Variants in ADK observed in about 807,000 individuals in gnomAD.
ADK encodes the protein adenosine kinase.
A neutral mutation model predicts 44.7 loss-of-function variants in ADK; 24 were observed. The ratio of observed to expected loss-of-function variants is 0.54; its 90% confidence interval spans 0.39 to 0.76. The LOEUF is 0.76. Ranked by LOEUF, ADK falls within the 30% of genes least tolerant of loss-of-function variation. ADK has a pLI of 0.00. For missense variants in ADK, 321 were observed against 425.1 expected (o/e 0.76, Z 2.15); for synonymous variants, 128 against 142.6 (o/e 0.90, Z 0.73).
intron 2 of ADK, among the ~76,000 whole-genome samples, chr10:74,216,598 G>A (rs1056263174): frequency 4.0e-5 from 6 of 151,764 alleles, no homozygotes; most frequent in African/African-American, 1.5e-4. Flanking sequence ...GGGGGTGCAT[G>A]CCTGTAGTCC....
intron 7 of ADK, among the ~76,000 whole-genome samples, chr10:74,582,152 G>A (rs1344590409): frequency 6.6e-6 from 1 of 151,896 alleles, no homozygotes; most frequent in Non-Finnish European, 1.5e-5. Flanking sequence ...GCAAAACCCT[G>A]TCTCTACAAA....
chr10:74,299,105 C>A (rs1286669641), intron 3 of ADK, among the ~76,000 whole-genome samples: 1 of 152,106 alleles, frequency 6.6e-6, no homozygotes, highest in East Asian at 1.9e-4. Flanking sequence ...GAAACATCTG[C>A]AGACGTGAAT....
intron 4 of ADK, among the ~76,000 whole-genome samples, chr10:74,373,943 T>G (rs539346271): frequency 6.6e-6 from 1 of 152,146 alleles, no homozygotes. Context: ...TAGAATATTA[T>G]TTGACAAAAA....
In ADK at chr10:74,241,588, A is replaced by T. The variant is rs11598266; in HGVS notation, c.194+16997A>T. Among the ~76,000 whole-genome samples, 1,437 of 152,204 alleles carry T rather than the reference A, an allele frequency of 9.4e-3. 17 individuals are homozygous for T. Among genetic ancestry groups the T allele is most frequent in the South Asian group, 0.019 (90 of 4,824 alleles). On this transcript the variant is annotated intron_variant, in intron 3 of 10. Transcript: ENST00000539909. ...TTTAGTAGAGACGGGGTTTCACCAT[A>T]TTGGTCAGGCTGGTTTCAAACTCCT...
rs56052959 is a variant in ADK, at chr10:74,312,914, C to CAAAA, written c.195-1730_195-1727dup. ...GGATGAAAAAGGAAGATTCTGTCTC[C>CAAAA]AAAAAAAAAAAAAAAAAAAAAAAAA... On this transcript the variant is annotated intron_variant, in intron 3 of 10. Transcript: ENST00000539909. Among the ~76,000 whole-genome samples, 214 of 37,826 alleles carry CAAAA rather than the reference C, an allele frequency of 5.7e-3. 41 individuals are homozygous for CAAAA. Among genetic ancestry groups the CAAAA allele is most frequent in the African/African-American group, 0.019 (195 of 10,210 alleles). The allele number at this position is 37,826 out of a possible 152,430, so 24.8% of individuals were successfully genotyped here. A position where few individuals can be genotyped will look rare whatever the true frequency, so the allele number is the denominator to read the frequency against.
In ADK at chr10:74,224,450, T is replaced by C. The variant is rs981534463; in HGVS notation, c.141-88T>C. 11 of 968,714 alleles carry C rather than the reference T, an allele frequency of 1.1e-5. No individual in the cohort carries two copies. The African/African-American group carries it at 1.5e-4, about 13-fold the overall frequency. 60.0% of individuals were successfully genotyped at this position (968,714 alleles called of 1,614,324 possible). A position where few individuals can be genotyped will look rare whatever the true frequency, so the allele number is the denominator to read the frequency against. ...CAATTAAGTCAGAGACCTATAACAG[T>C]GTTGGAGTGCTTGTTTTGAAGAGGT... On this transcript the variant is annotated intron_variant, in intron 2 of 10. Coordinates refer to ENST00000539909, the MANE Select transcript of ADK (RefSeq NM_006721.4).
intron 10 of ADK, among the ~76,000 whole-genome samples, chr10:74,681,677 C>T (rs1034790838): frequency 2.0e-5 from 3 of 151,932 alleles, no homozygotes; most frequent in Middle Eastern, 3.2e-3. Flanking sequence ...GGTGAAACCC[C>T]GCCTCTACTA....
At chr10:74,567,260 T>C (rs1269426441) in intron 7 of ADK, among the ~76,000 whole-genome samples, 2 of 152,252 alleles carry the variant, frequency 1.3e-5, no homozygotes, top group Non-Finnish European at 2.9e-5. Context: ...ATATTTTATG[T>C]TTATCACCTG....
In ADK at chr10:74,600,432, C is replaced by G. The variant is rs2133963655; in HGVS notation, c.816C>G (p.Asn272Lys). The stretch of plus-strand genomic sequence containing the variant: ...AGACACAAGCCCTGCCAAAGATGAA[C>G]TCAAAGAGGCAGCGAATCGTGATCT... ...AKKTQALPKM[N>K]SKRQRIVIFT... Residue 272 changes from asparagine to lysine, a missense_variant, in exon 9 of 11, where the codon AAC (asparagine) becomes AAG (lysine). Coordinates refer to ENST00000539909, the MANE Select transcript of ADK (RefSeq NM_006721.4). The G allele has an allele frequency of 6.2e-7, 1 of 1,611,244 alleles. No individual in the cohort carries two copies. The highest frequency in any genetic ancestry group is 1.7e-4 in the Middle Eastern group (1 of 6,042).
chr10:74,325,431 A>G (rs193049209), intron 4 of ADK, among the ~76,000 whole-genome samples: 3 of 152,216 alleles, frequency 2.0e-5, no homozygotes, highest in African/African-American at 7.2e-5. Context: ...GTCTTCAAAC[A>G]AGAACAATTT....
chr10:74,674,993 C>T (rs537194771), intron 10 of ADK, among the ~76,000 whole-genome samples: 7 of 152,212 alleles, frequency 4.6e-5, no homozygotes, highest in South Asian at 2.1e-4. Flanking sequence ...TATTTTTCTT[C>T]GCTTCATTGC....
rs372785173 is a variant in ADK, at chr10:74,214,649, A to C, written c.141-9889A>C. Among the ~76,000 whole-genome samples, 39 of 152,320 alleles carry C rather than the reference A, an allele frequency of 2.6e-4. No homozygotes were observed. The South Asian group carries it at 7.9e-3, about 31-fold the overall frequency. On this transcript the variant is annotated intron_variant, in intron 2 of 10. Coordinates refer to ENST00000539909, the MANE Select transcript of ADK (RefSeq NM_006721.4). Reference sequence around the variant, plus strand: ...AGGCACTAAGCTCTGTGCTATGCTGATCTTCAGAGGAGGAGCACATTTGAA... The same window carrying C: ...AGGCACTAAGCTCTGTGCTATGCTGCTCTTCAGAGGAGGAGCACATTTGAA...
chr10:74,241,208 A>G (rs1034845526), intron 3 of ADK, among the ~76,000 whole-genome samples: 1 of 152,202 alleles, frequency 6.6e-6, no homozygotes, highest in African/African-American at 2.4e-5. Context: ...TTTTCTTAGT[A>G]AAGTTTACTT....
chr10:74,504,118 G>T lies in ADK; in HGVS notation c.556-21138G>T, dbSNP rs1034376378. On this transcript the variant is annotated intron_variant, in intron 6 of 10. Transcript: ENST00000539909. ...CGAAACTGTGCACTGACACCCCAGG[G>T]TACTGCAGCAGACTCACAAGAGTGC... 5.3e-5 allele frequency among the ~76,000 whole-genome samples: 8 copies of T among 152,222 alleles called. No homozygotes were observed. In the East Asian group the frequency reaches 1.5e-3, roughly 29 times the overall value.
chr10:74,642,835 T>C (rs1853918852), intron 9 of ADK, among the ~76,000 whole-genome samples: 1 of 146,252 alleles, frequency 6.8e-6, no homozygotes, highest in African/African-American at 2.6e-5. Context: ...TTCTTTTTTT[T>C]TTTTTTTTTT....
At chr10:74,370,215 T>C (rs1019604591) in intron 4 of ADK, among the ~76,000 whole-genome samples, 1 of 152,198 alleles carries the variant, frequency 6.6e-6, no homozygotes, top group African/African-American at 2.4e-5. Flanking sequence ...AGCCAAAACT[T>C]AAACAATTGT....
At chr10:74,439,213 G>A (rs1233426651) in intron 6 of ADK, among the ~76,000 whole-genome samples, 1 of 152,190 alleles carries the variant, frequency 6.6e-6, no homozygotes, top group Non-Finnish European at 1.5e-5. Flanking sequence ...ATGTTCCACT[G>A]AAAGAGACTT....
At chr10:74,388,647 T>G (rs1843230650) in intron 4 of ADK, among the ~76,000 whole-genome samples, 1 of 152,190 alleles carries the variant, frequency 6.6e-6, no homozygotes, top group Non-Finnish European at 1.5e-5. Context: ...TAATTTTAAT[T>G]TTCAACTCTT....
intron 9 of ADK, among the ~76,000 whole-genome samples, chr10:74,612,992 A>AT (rs1349879942): frequency 6.6e-6 from 1 of 151,930 alleles, no homozygotes; most frequent in African/African-American, 2.4e-5. Context: ...CTATGTGTCT[A>AT]TTTTTGTGCC....
Sources: allele counts gnomAD v4.1 joint callset (sites outside exome capture counted in the v4.1 genomes callset), GRCh38; gene constraint gnomAD v4.1.1; transcripts MANE v1.5; gene names NCBI Gene and HGNC (gene_info 2026-07-23, HGNC 2026-07-21).